Variants in LARP4 observed in about 807,000 individuals in gnomAD.
LARP4 encodes the protein la-related protein 4.
A neutral mutation model predicts 92.9 loss-of-function variants in LARP4; 29 were observed. The observed-to-expected ratio is 0.31, with a 90% confidence interval of 0.23 to 0.43. The LOEUF is 0.43. LARP4 is among the 20% of genes least tolerant of loss of function. LARP4 has a pLI of 1.00. For synonymous variants in LARP4, 279 were observed against 284.1 expected (o/e 0.98, Z 0.18); for missense variants, 732 against 860.0 (o/e 0.85, Z 1.86).
At chr12:50,423,933 T>C (rs1948300700) in intron 1 of LARP4, among the ~76,000 whole-genome samples, 2 of 151,672 alleles carry the variant, frequency 1.3e-5, no homozygotes, top group South Asian at 4.2e-4. Context: ...TTTTGTATTG[T>C]TTAGTAGAGA....
intron 8 of LARP4, among the ~76,000 whole-genome samples, chr12:50,446,332 T>C (rs1344135851): frequency 5.6e-5 from 1 of 17,788 alleles, no homozygotes; most frequent in Non-Finnish European, 3.3e-4. Context: ...ACTAGTGGTC[T>C]CTCTCTCTCC....
intron 9 of LARP4, among the ~76,000 whole-genome samples, 191 bp from the exon 10 acceptor site, chr12:50,454,123 T>A (rs1953783805): frequency 6.6e-6 from 1 of 152,228 alleles, no homozygotes; most frequent in Admixed American, 6.5e-5. Context: ...CAGACATTCT[T>A]TACTAAGTTA....
At chr12:50,438,531 ATTG>A (rs1211831254) in intron 6 of LARP4, among the ~76,000 whole-genome samples, 2 of 151,866 alleles carry the variant, frequency 1.3e-5, no homozygotes, top group Admixed American at 6.6e-5. Context: ...GACTAACCCT[ATTG>A]TTCAGCGAAA....
intron 6 of LARP4, among the ~76,000 whole-genome samples, chr12:50,438,683 G>A (rs912687809): frequency 1.3e-5 from 2 of 152,142 alleles, no homozygotes; most frequent in African/African-American, 4.8e-5. Context: ...TAAAGCCAAA[G>A]GTTTTATTGC....
chr12:50,454,040 A>C (rs1407517617), intron 9 of LARP4, among the ~76,000 whole-genome samples: 1 of 152,220 alleles, frequency 6.6e-6, no homozygotes, highest in Non-Finnish European at 1.5e-5. Context: ...AAATTTGCTG[A>C]GTGAATTGAA....
At chr12:50,472,107 C>CT (rs765703794) in intron 13 of LARP4, among the ~76,000 whole-genome samples, 2 of 151,952 alleles carry the variant, frequency 1.3e-5, no homozygotes, top group Non-Finnish European at 2.9e-5. Context: ...CTTTCTAAAC[C>CT]TGTTGAAATT....
At chr12:50,401,806 C>G (rs913995386) in intron 1 of LARP4, among the ~76,000 whole-genome samples, 1 of 152,222 alleles carries the variant, frequency 6.6e-6, no homozygotes, top group Non-Finnish European at 1.5e-5. Context: ...ACTTTTATTA[C>G]TTAAACTAGA....
intron 12 of LARP4, among the ~76,000 whole-genome samples, chr12:50,464,520 T>C: frequency 6.6e-6 from 1 of 152,128 alleles, no homozygotes; most frequent in Non-Finnish European, 1.5e-5. Context: ...GCCTCCCGAG[T>C]AGCTGGGTCT....
At chr12:50,469,357 C>T (rs1956605785) in intron 13 of LARP4, among the ~76,000 whole-genome samples, 1 of 152,156 alleles carries the variant, frequency 6.6e-6, no homozygotes, top group African/African-American at 2.4e-5. Context: ...GTAATCCCAG[C>T]ACTTTGGGAG....
At chr12:50,415,495 T>C (rs77032064) in intron 1 of LARP4, among the ~76,000 whole-genome samples, 2,206 of 152,206 alleles carry the variant, frequency 0.014, 65 homozygotes, top group African/African-American at 0.051. Context: ...CCTCCGATAT[T>C]TGGATATTTA....
At chr12:50,475,456 CA>C in intron 15 of LARP4, 69 bp from the exon 16 acceptor site, 1 of 1,314,356 alleles carries the variant, frequency 7.6e-7, no homozygotes, top group South Asian at 1.4e-5. Flanking sequence ...ATGGTTAACA[CA>C]ATCATTTTTA....
chr12:50,435,450 A>G (rs1950265538), intron 4 of LARP4, 38 bp from the exon 5 acceptor site: 2 of 1,222,210 alleles, frequency 1.6e-6, no homozygotes, highest in East Asian at 4.8e-5. Context: ...ATGCTTTTTA[A>G]TAATTGCTTG....
At chr12:50,421,972 ATT>A (rs34349709) in intron 1 of LARP4, among the ~76,000 whole-genome samples, 5 of 141,370 alleles carry the variant, frequency 3.5e-5, no homozygotes, top group Admixed American at 1.4e-4. Context: ...CATTGGTTGG[ATT>A]TTTTTTTTTT....
intron 1 of LARP4, among the ~76,000 whole-genome samples, chr12:50,422,124 C>G (rs147442606): frequency 3.9e-5 from 6 of 152,050 alleles, no homozygotes; most frequent in Non-Finnish European, 7.4e-5. Context: ...CATCCACCCC[C>G]ACGACTGGCT....
rs192993164 is a variant in LARP4 at position 50,465,811 on chromosome 12, C to T, written c.1384-1148C>T. Among the ~76,000 whole-genome samples the T allele has an allele frequency of 7.9e-5, 12 of 152,182 alleles. 1 individual carries two copies. The highest frequency in any genetic ancestry group is 7.9e-4 in the Admixed American group (12 of 15,282). The stretch of plus-strand genomic sequence containing the variant: ...ATTCAATGATATTTTTGTAAATTTA[C>T]AGAGATATACCGCCATCACCACCAA... On this transcript the variant is annotated intron_variant, in intron 12 of 15. Coordinates refer to ENST00000398473, the MANE Select transcript of LARP4 (RefSeq NM_052879.5).
Position 50,428,790 on chromosome 12 carries a change from G to T in LARP4, c.167-145G>T, listed in dbSNP as rs923518371. The T allele has an allele frequency of 1.0e-5, 6 of 595,408 alleles. No individual in the cohort carries two copies. In the Admixed American group the frequency reaches 1.5e-4, roughly 15 times the overall value. The allele number at this position is 595,408 out of a possible 1,614,324, so 36.9% of individuals were successfully genotyped here. A position where few individuals can be genotyped will look rare whatever the true frequency, so the allele number is the denominator to read the frequency against. ...TGTCAAAACTTATCTCCCTCGGAAT[G>T]ATAACTCTTGCTTAAAACCATGCGG... On this transcript the variant is annotated intron_variant, in intron 2 of 15. Coordinates refer to ENST00000398473, the MANE Select transcript of LARP4 (RefSeq NM_052879.5).
chr12:50,407,870 A>G (rs1056172782), intron 1 of LARP4, among the ~76,000 whole-genome samples: 1 of 152,190 alleles, frequency 6.6e-6, no homozygotes, highest in African/African-American at 2.4e-5. Context: ...GCAAATAGGC[A>G]CTTTGCACTT....
chr12:50,401,384 T>G, intron 1 of LARP4: 2 of 233,796 alleles, frequency 8.6e-6, no homozygotes, highest in East Asian at 9.6e-5. Flanking sequence ...GGTAATCAGG[T>G]GGGCGCGTTC....
At chr12:50,433,882 C>T (rs1368481107) in intron 4 of LARP4, among the ~76,000 whole-genome samples, 1 of 152,122 alleles carries the variant, frequency 6.6e-6, no homozygotes, top group East Asian at 1.9e-4. Flanking sequence ...TCAGGTGATC[C>T]ACCCACCTTT....
Sources: allele counts gnomAD v4.1 joint callset (sites outside exome capture counted in the v4.1 genomes callset), GRCh38; gene constraint gnomAD v4.1.1; transcripts MANE v1.5; gene names NCBI Gene and HGNC (gene_info 2026-07-23, HGNC 2026-07-21).